MALRD1: variants seen among roughly 807,000 people sequenced by gnomAD.
MALRD1 encodes the protein MAM and LDL-receptor class A domain-containing protein 1.
MALRD1 carries 247 observed loss-of-function variants against 242.1 expected under a neutral mutation model. The observed-to-expected ratio is 1.02, with a 90% confidence interval of 0.92 to 1.13. The LOEUF (loss-of-function observed/expected upper bound fraction) is 1.13, where lower values mean the gene tolerates loss of function less well. MALRD1 is among the 50% of genes most tolerant of loss of function. MALRD1 has a pLI of 0.00. For missense variants in MALRD1, 2,989 were observed against 2,533.1 expected (o/e 1.18, Z -3.86); for synonymous variants, 995 against 866.6 (o/e 1.15, Z -2.60).
intron 35 of MALRD1, among the ~76,000 whole-genome samples, chr10:19,608,497 C>G (rs1163833998): frequency 6.6e-6 from 1 of 151,756 alleles, no homozygotes; most frequent in Non-Finnish European, 1.5e-5. Flanking sequence ...AACATCTCTC[C>G]TGAGTAGATG....
At chr10:19,454,427 T>TATATATAC (rs1835518565) in intron 29 of MALRD1, among the ~76,000 whole-genome samples, 1 of 138,768 alleles carries the variant, frequency 7.2e-6, no homozygotes, top group Non-Finnish European at 1.5e-5. Flanking sequence ...TATATATATA[T>TATATATAC]ATATAATTAT....
intron 35 of MALRD1, among the ~76,000 whole-genome samples, chr10:19,613,395 C>G (rs561467505): frequency 1.3e-5 from 2 of 151,856 alleles, no homozygotes; most frequent in Non-Finnish European, 2.9e-5. Flanking sequence ...CTCCATAAAT[C>G]CCCCTCAGTG....
At chr10:19,369,790 AT>A (rs377232297) in intron 26 of MALRD1, among the ~76,000 whole-genome samples, 1,621 of 151,810 alleles carry the variant, frequency 0.011, 29 homozygotes, top group African/African-American at 0.037. Flanking sequence ...AGTTATAGAT[AT>A]TTTTTATATA....
At chr10:19,219,631 C>T (rs75204217) in intron 18 of MALRD1, among the ~76,000 whole-genome samples, 67 of 152,146 alleles carry the variant, frequency 4.4e-4, no homozygotes, top group African/African-American at 1.6e-3. Context: ...CATATGTTGC[C>T]CAAGCTGGTC....
intron 30 of MALRD1, among the ~76,000 whole-genome samples, chr10:19,496,664 TG>T (rs1221970820): frequency 9.2e-5 from 14 of 152,144 alleles, no homozygotes; most frequent in Non-Finnish European, 1.6e-4. Context: ...AGTTATTGAT[TG>T]GTGGGACATC....
At chr10:19,564,861 T>C (rs1031105756) in intron 32 of MALRD1, among the ~76,000 whole-genome samples, 3 of 152,142 alleles carry the variant, frequency 2.0e-5, no homozygotes, top group Non-Finnish European at 2.9e-5. Context: ...TCATTTCTAT[T>C]GAAGGACAGA....
chr10:19,327,803 C>A, intron 23 of MALRD1, 130 bp downstream of exon 23: 1 of 688,002 alleles, frequency 1.5e-6, no homozygotes, highest in Non-Finnish European at 2.4e-6. Flanking sequence ...TGCGTGGACA[C>A]CATGCTTAAC....
At chr10:19,687,791 A>T (rs1055489866) in intron 36 of MALRD1, among the ~76,000 whole-genome samples, 6 of 152,248 alleles carry the variant, frequency 3.9e-5, no homozygotes, top group African/African-American at 1.4e-4. Flanking sequence ...CACCAATCTA[A>T]TAAATAGATG....
At chr10:19,249,199 A>C (rs1323824086) in intron 18 of MALRD1, among the ~76,000 whole-genome samples, 1 of 151,652 alleles carries the variant, frequency 6.6e-6, no homozygotes, top group Non-Finnish European at 1.5e-5. Flanking sequence ...GATTGAAGGA[A>C]AGGACTTGGA....
intron 14 of MALRD1, among the ~76,000 whole-genome samples, chr10:19,189,590 A>G (rs988782531): frequency 2.0e-5 from 3 of 152,162 alleles, no homozygotes; most frequent in Non-Finnish European, 4.4e-5. Flanking sequence ...TCAGAAGCAT[A>G]TTAAAAAGAT....
chr10:19,674,576 G>T (rs1427596559), intron 36 of MALRD1, among the ~76,000 whole-genome samples: 1 of 151,926 alleles, frequency 6.6e-6, no homozygotes, highest in Non-Finnish European at 1.5e-5. Flanking sequence ...TTGTTTATTT[G>T]TGTGCTTTTA....
intron 16 of MALRD1, 114 bp from the exon 17 acceptor site, chr10:19,204,784 G>A: frequency 2.7e-6 from 3 of 1,118,274 alleles, no homozygotes; most frequent in South Asian, 3.4e-5. Context: ...GGAAAGAAAA[G>A]CGTCTTATGA....
chr10:19,094,573 C>T (rs947953279), intron 4 of MALRD1, among the ~76,000 whole-genome samples: 4 of 151,900 alleles, frequency 2.6e-5, no homozygotes, highest in African/African-American at 9.7e-5. Context: ...ACGCTGGGAG[C>T]TGTAGACCGG....
At chr10:19,655,658 T>C (rs559848958) in intron 36 of MALRD1, among the ~76,000 whole-genome samples, 7 of 150,834 alleles carry the variant, frequency 4.6e-5, no homozygotes, top group African/African-American at 1.5e-4. Context: ...GACATACTCA[T>C]TGTCGAAAAA....
chr10:19,224,490 A>G lies in MALRD1; in HGVS notation c.2991+14810A>G, dbSNP rs11009002. ...GTGTTTTTGGTAGAGACAGAGTTTC[A>G]CCATATTGGCCAGGCAAGTCTCAAA... On this transcript the variant is annotated intron_variant, in intron 18 of 39. Coordinates refer to ENST00000454679, the MANE Select transcript of MALRD1 (RefSeq NM_001142308.3). 6.6e-5 allele frequency among the ~76,000 whole-genome samples: 10 copies of G among 152,102 alleles called. No individual in the cohort carries two copies. The East Asian group carries it at 1.7e-3, about 27-fold the overall frequency.
intron 33 of MALRD1, among the ~76,000 whole-genome samples, chr10:19,594,367 A>G (rs529138585): frequency 2.0e-5 from 3 of 152,334 alleles, no homozygotes; most frequent in African/African-American, 7.2e-5. Flanking sequence ...GGTGAAATGG[A>G]ACACTTTTAC....
At chr10:19,103,774 A>G (rs1462679065) in intron 4 of MALRD1, among the ~76,000 whole-genome samples, 7 of 152,138 alleles carry the variant, frequency 4.6e-5, no homozygotes, top group Admixed American at 4.6e-4. Flanking sequence ...TATGCCAGAC[A>G]TTTGAGATAC....
intron 28 of MALRD1, among the ~76,000 whole-genome samples, chr10:19,406,161 A>T (rs1847096091): frequency 6.6e-6 from 1 of 152,144 alleles, no homozygotes; most frequent in South Asian, 2.1e-4. Context: ...TGGAAGAGAG[A>T]GTGCTTTGGA....
chr10:19,216,975 T>TA (rs1564474191), intron 18 of MALRD1, among the ~76,000 whole-genome samples: 10 of 146,866 alleles, frequency 6.8e-5, no homozygotes, highest in Admixed American at 1.4e-4. Flanking sequence ...TAAAATAAAA[T>TA]TAAAAAAAAT....
Sources: allele counts gnomAD v4.1 joint callset (sites outside exome capture counted in the v4.1 genomes callset), GRCh38; gene constraint gnomAD v4.1.1; transcripts MANE v1.5; gene names NCBI Gene and HGNC (gene_info 2026-07-23, HGNC 2026-07-21).